The following GPT2 variants were observed in gnomAD, a reference collection of about 807,000 sequenced individuals.
The protein encoded by GPT2 is glutamic--pyruvic transaminase 2.
A neutral mutation model predicts 56.9 loss-of-function variants in GPT2; 30 were observed. The ratio of observed to expected loss-of-function variants is 0.53; its 90% confidence interval spans 0.39 to 0.72. The LOEUF (loss-of-function observed/expected upper bound fraction) is 0.72. Ranked by LOEUF, GPT2 falls within the 30% of genes least tolerant of loss-of-function variation. The pLI is 0.00. For missense variants in GPT2, 542 were observed against 703.4 expected (o/e 0.77, Z 2.60); for synonymous variants, 271 against 283.1 (o/e 0.96, Z 0.43).
At chr16:46,923,434 G>T (rs149894420) in intron 9 of GPT2, among the ~76,000 whole-genome samples, 1 of 152,172 alleles carries the variant, frequency 6.6e-6, no homozygotes, top group Non-Finnish European at 1.5e-5. Context: ...CTCCAGCCTG[G>T]ATGACAGAGC....
At chr16:46,900,917 C>A in intron 4 of GPT2, 127 bp downstream of exon 4, 1 of 672,534 alleles carries the variant, frequency 1.5e-6, no homozygotes, top group Non-Finnish European at 2.6e-6. Context: ...TGACAGCACA[C>A]AGAGTAAACA....
intron 7 of GPT2, among the ~76,000 whole-genome samples, 155 bp from the exon 8 acceptor site, chr16:46,918,466 T>G (rs1433369046): frequency 6.6e-6 from 1 of 152,204 alleles, no homozygotes; most frequent in Non-Finnish European, 1.5e-5. Flanking sequence ...AGAAAGTTCC[T>G]TCAGGCACAC....
chr16:46,896,003 A>G (rs1960679164), intron 2 of GPT2, among the ~76,000 whole-genome samples: 2 of 152,254 alleles, frequency 1.3e-5, no homozygotes, highest in African/African-American at 4.8e-5. Context: ...AGCTGGAGAC[A>G]GGACAAAGGC....
chr16:46,901,174 T>C (rs1373066503), intron 4 of GPT2, among the ~76,000 whole-genome samples: 2 of 152,210 alleles, frequency 1.3e-5, no homozygotes, highest in African/African-American at 2.4e-5. Context: ...GGCCTCCAGC[T>C]CTGAACATGT....
intron 6 of GPT2, among the ~76,000 whole-genome samples, chr16:46,915,028 C>T (rs1340027251): frequency 6.6e-6 from 1 of 152,130 alleles, no homozygotes; most frequent in Non-Finnish European, 1.5e-5. Context: ...AGCAATCCTC[C>T]AGTCTCAGCC....
intron 4 of GPT2, among the ~76,000 whole-genome samples, 160 bp from the exon 5 acceptor site, chr16:46,906,682 G>C (rs946277184): frequency 1.3e-5 from 2 of 152,124 alleles, no homozygotes; most frequent in Non-Finnish European, 2.9e-5. Flanking sequence ...AAGACAGGTG[G>C]TTAAGCAGTT....
In GPT2 at chr16:46,924,519, C is replaced by T. The variant is rs1204538053; in HGVS notation, c.1343C>T (p.Pro448Leu). ...TACGCCTTCCCTCGGATCTTCATTC[C>T]TGCCAAAGCTGTGGAGGCTGCTCAG... ...AMYAFPRIFI[P>L]AKAVEAAQAH... The change falls in exon 10 of 12, where the codon CCT (proline) becomes CTT (leucine). Residue 448 changes from proline (P) to leucine (L), a missense_variant. Pro to Leu is a moderately conservative substitution (Grantham distance 98, BLOSUM62 -3). Transcript: ENST00000340124. The T allele has an allele frequency of 1.2e-6, 2 of 1,614,108 alleles. No homozygotes were observed. The highest frequency in any genetic ancestry group is 4.5e-5 in the East Asian group (2 of 44,906).
chr16:46,916,755 A>T, intron 7 of GPT2, 48 bp downstream of exon 7: 1 of 1,294,284 alleles, frequency 7.7e-7, no homozygotes, highest in Non-Finnish European at 1.1e-6. Context: ...TTTCTCTTCT[A>T]GAGGGAGGGA....
At chr16:46,885,234 C>T (rs1428214610) in intron 2 of GPT2, 2 of 1,206,360 alleles carry the variant, frequency 1.7e-6, no homozygotes, top group East Asian at 7.1e-5. Context: ...CGTTGTGTGT[C>T]TGCCCTACTC....
intron 5 of GPT2, among the ~76,000 whole-genome samples, chr16:46,908,197 C>CCTGG (rs1960975712): frequency 6.7e-6 from 1 of 149,936 alleles, no homozygotes; most frequent in South Asian, 2.1e-4. Flanking sequence ...AGCCTGCAGT[C>CCTGG]CTGGGCTTGG....
chr16:46,900,919 G>A, intron 4 of GPT2, 129 bp downstream of exon 4: 1 of 671,644 alleles, frequency 1.5e-6, no homozygotes, highest in South Asian at 1.8e-5. Context: ...ACAGCACACA[G>A]AGTAAACAAA....
At chr16:46,911,426 C>T (rs182774593) in intron 6 of GPT2, among the ~76,000 whole-genome samples, 70 of 152,286 alleles carry the variant, frequency 4.6e-4, no homozygotes, top group African/African-American at 1.6e-3. Flanking sequence ...CTTGAATTCC[C>T]GAGTGCAGAA....
chr16:46,888,652 C>T (rs1960529081), intron 2 of GPT2, among the ~76,000 whole-genome samples: 1 of 151,574 alleles, frequency 6.6e-6, no homozygotes, highest in African/African-American at 2.4e-5. Context: ...CGGCCAGATG[C>T]TACTTTATTT....
chr16:46,909,470 T>C (rs914411713), intron 5 of GPT2, among the ~76,000 whole-genome samples: 2 of 152,096 alleles, frequency 1.3e-5, no homozygotes, highest in African/African-American at 4.8e-5. Context: ...AGTCATTAAC[T>C]ACACGTTCTG....
At chr16:46,894,820 C>T (rs890881070) in intron 2 of GPT2, among the ~76,000 whole-genome samples, 1 of 152,222 alleles carries the variant, frequency 6.6e-6, no homozygotes, top group African/African-American at 2.4e-5. Context: ...CGCCCGCCCC[C>T]ACGCCTGGCT....
At chr16:46,898,283 G>A (rs1033776790) in intron 3 of GPT2, among the ~76,000 whole-genome samples, 9 of 152,330 alleles carry the variant, frequency 5.9e-5, no homozygotes, top group Admixed American at 1.3e-4. Context: ...GATTGGGGAC[G>A]GCCACTGTGA....
chr16:46,899,106 C>G (rs1400030816), intron 3 of GPT2, among the ~76,000 whole-genome samples: 1 of 149,728 alleles, frequency 6.7e-6, no homozygotes, highest in Admixed American at 6.7e-5. Flanking sequence ...GATCACTGCT[C>G]TCTGTAACCT....
At position 46,930,408 on chromosome 16, in the gene GPT2, C is replaced by G. The variant is rs898989216; in HGVS notation, c.*1411C>G. ...GGGATTGGAGAAGCTGGAGAGAAAG[C>G]AGAAGAGGCCGAGGAGTGAGGCAGC... On this transcript the variant is annotated 3_prime_UTR_variant, in exon 12 of 12. Transcript: ENST00000340124. 1 of 152,026 alleles carries G rather than the reference C, an allele frequency of 6.6e-6. No homozygotes were observed. The highest frequency in any genetic ancestry group is 2.4e-5 in the African/African-American group (1 of 41,444). The allele number at this position is 152,026 out of a possible 1,614,324, so 9.4% of individuals were successfully genotyped here.
Position 46,918,640 on chromosome 16 carries a change from ACT to A in GPT2, c.924_925del (p.Pro309ArgfsTer53). The A allele has an allele frequency of 6.2e-7, 1 of 1,614,044 alleles. No homozygotes were observed. The highest frequency in any genetic ancestry group is 8.5e-7 in the Non-Finnish European group (1 of 1,179,984). On this transcript the variant is annotated frameshift_variant, in exon 8 of 12. Coordinates refer to ENST00000340124, the MANE Select transcript of GPT2 (RefSeq NM_133443.4). LOFTEE classifies it high-confidence loss of function. ...CCGCAGGTGTACCAGGACAACGTGTACTCTCCAGATTGCAGATTCCACTCCTT... is the reference window on the plus strand; with the variant it reads ...CCGCAGGTGTACCAGGACAACGTGTACTCCAGATTGCAGATTCCACTCCTT...
Sources: allele counts gnomAD v4.1 joint callset (sites outside exome capture counted in the v4.1 genomes callset), GRCh38; gene constraint gnomAD v4.1.1; transcripts MANE v1.5; gene names NCBI Gene and HGNC (gene_info 2026-07-23, HGNC 2026-07-21).